RIC8B: variants seen among roughly 807,000 people sequenced by gnomAD.
RIC8B encodes the protein chaperone Ric-8B.
RIC8B carries 16 observed loss-of-function variants against 57.5 expected under a neutral mutation model. The ratio of observed to expected loss-of-function variants is 0.28; its 90% CI spans 0.19 to 0.42. The LOEUF is 0.42. Among genes scored for constraint, RIC8B ranks in the 10% least tolerant of loss-of-function variants. RIC8B has a pLI of 1.00. For synonymous variants in RIC8B, 216 were observed against 250.8 expected (o/e 0.86, Z 1.31); for missense variants, 481 against 677.0 (o/e 0.71, Z 3.21).
chr12:106,831,732 G>A lies in RIC8B; in HGVS notation c.836+5912G>A, dbSNP rs370270809. ...TGCCTAATAAATTGGGCAAAATGCT[G>A]TTATCATGGCAATATGCCAGTAACT... On this transcript the variant is annotated intron_variant, in intron 4 of 9. Coordinates refer to ENST00000392837, the MANE Select transcript of RIC8B (RefSeq NM_001330145.2). Among the ~76,000 whole-genome samples the A allele has an allele frequency of 1.3e-4, 20 of 152,330 alleles. No homozygotes were observed. In the East Asian group the frequency reaches 1.9e-3, roughly 15 times the overall value.
At position 106,856,458 on chromosome 12, in the gene RIC8B, T is replaced by G. The variant is rs189871414; in HGVS notation, c.1307-3810T>G. Among the ~76,000 whole-genome samples, 13 of 152,298 alleles carry G rather than the reference T, an allele frequency of 8.5e-5. No homozygotes were observed. The East Asian group carries it at 2.3e-3, about 27-fold the overall frequency. ...TTCTTGCCTGATTATACTGCACCATTTCTTGGCATATCTCCATGGCTTGGC... is the reference window on the plus strand; with the variant it reads ...TTCTTGCCTGATTATACTGCACCATGTCTTGGCATATCTCCATGGCTTGGC... On this transcript the variant is annotated intron_variant, in intron 7 of 9. Transcript: ENST00000392837.
At chr12:106,865,140 C>T (rs142875863) in intron 8 of RIC8B, among the ~76,000 whole-genome samples, 87 of 152,280 alleles carry the variant, frequency 5.7e-4, no homozygotes, top group African/African-American at 2.0e-3. Context: ...TGTTGTATCA[C>T]ATGGTAGGTA....
At position 106,814,517 on chromosome 12, in the gene RIC8B, G is replaced by C. The variant is rs117091956; in HGVS notation, c.133-179G>C. 7.1e-4 allele frequency among the ~76,000 whole-genome samples: 108 copies of C among 152,272 alleles called. 2 individuals are homozygous for C. The East Asian group carries it at 0.02, about 29-fold the overall frequency. ...GGAACAGCTATGATTCAAACTGATTGTCTTCCATCCTGATGGTGACCTTAT... is the reference window on the plus strand; with the variant it reads ...GGAACAGCTATGATTCAAACTGATTCTCTTCCATCCTGATGGTGACCTTAT... On this transcript the variant is annotated intron_variant, in intron 2 of 9. Transcript: ENST00000392837.
chr12:106,856,247 G>A (rs897251235), intron 7 of RIC8B, among the ~76,000 whole-genome samples: 6 of 151,916 alleles, frequency 3.9e-5, no homozygotes, highest in African/African-American at 1.5e-4. Context: ...TCTCTTCCAC[G>A]TGGTTAACAG....
chr12:106,784,276 G>A (rs541559553), intron 2 of RIC8B, among the ~76,000 whole-genome samples: 4 of 152,286 alleles, frequency 2.6e-5, no homozygotes, highest in African/African-American at 9.6e-5. Flanking sequence ...TAAATCAGGG[G>A]AGTGGGAGGG....
chr12:106,842,722 G>C lies in RIC8B; in HGVS notation c.970G>C (p.Glu324Gln), dbSNP rs375358152. ...GCCCAGTAATAAAACAGCTGAGAAAGAAACAGTTTTGAAAAACAATACCAT... is the reference window on the plus strand; with the variant it reads ...GCCCAGTAATAAAACAGCTGAGAAACAAACAGTTTTGAAAAACAATACCAT... ...ELPSNKTAEKETVLKNNTMVY... is the reference protein window; with the variant it reads ...ELPSNKTAEKQTVLKNNTMVY... Residue 324 changes from glutamate (E) to glutamine (Q), a missense_variant, in exon 5 of 10, where the codon GAA (glutamate) becomes CAA (glutamine). Physicochemically the swap from Glu to Gln is conservative, Grantham distance 29. Around this residue, in one of 3 missense-constraint regions of RIC8B, gnomAD observed 421 missense variants for 560.9 expected, o/e 0.75. Coordinates refer to ENST00000392837, the MANE Select transcript of RIC8B (RefSeq NM_001330145.2). The C allele has an allele frequency of 6.2e-6, 10 of 1,613,746 alleles. No individual in the cohort carries two copies. Among genetic ancestry groups the C allele is most frequent in the African/African-American group, 1.3e-5 (1 of 74,902 alleles).
intron 4 of RIC8B, among the ~76,000 whole-genome samples, chr12:106,839,199 A>ATC (rs2046758146): frequency 6.6e-6 from 1 of 152,242 alleles, no homozygotes; most frequent in Admixed American, 6.5e-5. Flanking sequence ...TCACTGTTTC[A>ATC]CAGAGATATC....
chr12:106,864,809 T>A (rs1174429742), intron 8 of RIC8B, among the ~76,000 whole-genome samples: 1 of 152,194 alleles, frequency 6.6e-6, no homozygotes, highest in Non-Finnish European at 1.5e-5. Context: ...TTGTCCCCAA[T>A]GAAACTCTGT....
At chr12:106,809,294 T>C (rs1033458574) in intron 2 of RIC8B, among the ~76,000 whole-genome samples, 3 of 151,908 alleles carry the variant, frequency 2.0e-5, no homozygotes, top group African/African-American at 7.3e-5. Context: ...GAGGCCGAGG[T>C]GGGAGGATCA....
intron 2 of RIC8B, among the ~76,000 whole-genome samples, chr12:106,795,051 A>G (rs1370155196): frequency 2.0e-5 from 3 of 152,262 alleles, no homozygotes; most frequent in African/African-American, 7.2e-5. Flanking sequence ...AAGCAAATCC[A>G]GATGGTAACT....
At chr12:106,864,529 A>G (rs924377857) in intron 8 of RIC8B, among the ~76,000 whole-genome samples, 14 of 152,304 alleles carry the variant, frequency 9.2e-5, no homozygotes, top group Non-Finnish European at 1.9e-4. Context: ...AAAGGCAATG[A>G]ATCGAGTAAT....
intron 4 of RIC8B, 105 bp downstream of exon 4, chr12:106,825,925 A>G (rs2046078493): frequency 2.7e-6 from 2 of 729,558 alleles, no homozygotes; most frequent in Non-Finnish European, 4.8e-6. Context: ...TGAAAATACT[A>G]CAGTAAATCA....
chr12:106,836,898 C>T (rs191121177), intron 4 of RIC8B, among the ~76,000 whole-genome samples: 1 of 152,328 alleles, frequency 6.6e-6, no homozygotes, highest in East Asian at 1.9e-4. Context: ...GTGGGTCAGC[C>T]ACACCAACTT....
At chr12:106,775,306 G>A in intron 1 of RIC8B, 1 of 455,988 alleles carries the variant, frequency 2.2e-6, no homozygotes, top group South Asian at 1.6e-5. Context: ...CTCATCTATG[G>A]TCTCCTTTGA....
At chr12:106,823,543 G>T in intron 3 of RIC8B, 2 of 433,520 alleles carry the variant, frequency 4.6e-6, no homozygotes, top group Non-Finnish European at 9.2e-6. Context: ...AAAAGAGAAA[G>T]ATTATTATAT....
chr12:106,823,223 T>TA, intron 3 of RIC8B: 2 of 263,704 alleles, frequency 7.6e-6, no homozygotes, highest in South Asian at 8.7e-5. Flanking sequence ...AATTACAAAT[T>TA]ATGATTTCAT....
intron 3 of RIC8B, chr12:106,823,255 G>A (rs1028002778): frequency 3.1e-5 from 8 of 257,346 alleles, no homozygotes; most frequent in South Asian, 2.7e-4. Flanking sequence ...GAGTCTTCTC[G>A]GAGAAGATAC....
intron 6 of RIC8B, among the ~76,000 whole-genome samples, chr12:106,844,890 G>A (rs1032848651): frequency 6.6e-6 from 1 of 152,174 alleles, no homozygotes; most frequent in Non-Finnish European, 1.5e-5. Context: ...TAGACTACAA[G>A]TGTAAGACTT....
At chr12:106,837,851 A>C (rs1031768151) in intron 4 of RIC8B, among the ~76,000 whole-genome samples, 19 of 152,058 alleles carry the variant, frequency 1.2e-4, no homozygotes, top group African/African-American at 4.3e-4. Flanking sequence ...CACGTTGGCC[A>C]GGCTGATCTC....
Sources: gnomAD v4.1 joint callset for allele counts (sites outside exome capture counted in the v4.1 genomes callset) on GRCh38, gnomAD v4.1.1 for gene constraint, gnomAD v4.1.1 regional missense constraint, MANE v1.5 for transcripts, NCBI Gene and HGNC (gene_info 2026-07-23, HGNC 2026-07-21) for gene names.